Variants in DIS3L2 observed in about 807,000 individuals in gnomAD.
DIS3L2 encodes DIS3-like exonuclease 2.
Under a neutral mutation model 97.5 loss-of-function variants are expected in DIS3L2, and 34 were observed. The observed-to-expected ratio is 0.35, with a 90% CI of 0.27 to 0.46. The LOEUF (loss-of-function observed/expected upper bound fraction) is 0.46, where lower values mean the gene tolerates loss of function less well. Ranked by LOEUF, DIS3L2 falls within the 20% of genes least tolerant of loss-of-function variation. The pLI, the probability that DIS3L2 is intolerant of heterozygous loss-of-function variation, is 1.00. For synonymous variants in DIS3L2, 435 were observed against 445.2 expected (o/e 0.98, Z 0.29); for missense variants, 1,038 against 1,146.0 (o/e 0.91, Z 1.36).
rs540506964 is a variant in DIS3L2 at position 232,337,115 on chromosome 2, G to A, written c.*485G>A. 3 of 1,015,114 alleles carry A rather than the reference G, an allele frequency of 3.0e-6. No homozygotes were observed. Among genetic ancestry groups the A allele is most frequent in the African/African-American group, 1.7e-5 (1 of 57,484 alleles). 62.9% of individuals were successfully genotyped at this position (1,015,114 alleles called of 1,614,324 possible). ...GGAACTTTCCTGTCAGTTCCAACAC[G>A]ATTCAGAGCTGGCTGCCTGGCAGAT... On this transcript the variant is annotated 3_prime_UTR_variant, in exon 21 of 21. Transcript: ENST00000325385.
chr2:231,962,637 A>G (rs1222389871), intron 1 of DIS3L2, among the ~76,000 whole-genome samples: 1 of 151,726 alleles, frequency 6.6e-6, no homozygotes, highest in Non-Finnish European at 1.5e-5. Context: ...GGGTTTCACC[A>G]TGTTAGTCAG....
chr2:232,208,472 G>A lies in DIS3L2; in HGVS notation c.1125-1854G>A, dbSNP rs3116200. On this transcript the variant is annotated intron_variant, in intron 9 of 20. Coordinates refer to ENST00000325385, the MANE Select transcript of DIS3L2 (RefSeq NM_152383.5). ...ACTACAGGCGTGTGCCACCATGCCCGGCTAATTTTTGTATTTTTAGTAGAA... is the reference window on the plus strand; with the variant it reads ...ACTACAGGCGTGTGCCACCATGCCCAGCTAATTTTTGTATTTTTAGTAGAA... Among the ~76,000 whole-genome samples the A allele has an allele frequency of 0.044, 6,683 of 152,102 alleles. 792 individuals are homozygous for A. In the East Asian group the frequency reaches 0.46, roughly 10 times the overall value.
intron 10 of DIS3L2, among the ~76,000 whole-genome samples, chr2:232,210,661 G>C (rs1479648196): frequency 6.6e-6 from 1 of 152,228 alleles, no homozygotes; most frequent in African/African-American, 2.4e-5. Context: ...GGGCAACAGT[G>C]AGTGCTAAAG....
At chr2:232,322,052 A>C (rs1309340237) in intron 14 of DIS3L2, among the ~76,000 whole-genome samples, 4 of 152,184 alleles carry the variant, frequency 2.6e-5, no homozygotes, top group African/African-American at 4.8e-5. Flanking sequence ...CGCCCTTAGC[A>C]GTCAGGGGCA....
At chr2:232,274,833 A>T (rs1694098207) in intron 13 of DIS3L2, among the ~76,000 whole-genome samples, 1 of 152,254 alleles carries the variant, frequency 6.6e-6, no homozygotes, top group Non-Finnish European at 1.5e-5. Context: ...GCATGAAAAC[A>T]AAGACGACAT....
chr2:232,208,451 C>T (rs1490446340), intron 9 of DIS3L2, among the ~76,000 whole-genome samples: 2 of 152,204 alleles, frequency 1.3e-5, no homozygotes, highest in Non-Finnish European at 2.9e-5. Flanking sequence ...GCTGGGACTA[C>T]AGGCGTGTGC....
At chr2:232,335,897 GC>G in intron 20 of DIS3L2, 23 bp downstream of exon 20, 2 of 1,549,838 alleles carry the variant, frequency 1.3e-6, no homozygotes, top group African/African-American at 1.4e-5. Context: ...CTGTGTCCCA[GC>G]CCCCTAAGTC....
chr2:232,043,137 G>C (rs551457928), intron 5 of DIS3L2, among the ~76,000 whole-genome samples: 16 of 152,266 alleles, frequency 1.1e-4, no homozygotes, highest in African/African-American at 3.9e-4. Flanking sequence ...GGAATGATGT[G>C]GTTTGTTTCT....
At chr2:232,329,785 T>TGCCGGGGGGGGCCG in intron 14 of DIS3L2, 28 bp from the exon 15 acceptor site, 1 of 967,144 alleles carries the variant, frequency 1.0e-6, no homozygotes, top group Non-Finnish European at 1.5e-6. Flanking sequence ...ACCCCAGCGG[T>TGCCGGGGGGGGCCG]CCCTCCCATC....
chr2:232,319,035 G>A (rs1695355004), intron 14 of DIS3L2, among the ~76,000 whole-genome samples: 1 of 152,244 alleles, frequency 6.6e-6, no homozygotes. Flanking sequence ...GCCAGTCTTA[G>A]CACTGCTGGC....
At chr2:232,249,853 C>T (rs1295294458) in intron 12 of DIS3L2, among the ~76,000 whole-genome samples, 4 of 152,142 alleles carry the variant, frequency 2.6e-5, no homozygotes, top group Non-Finnish European at 5.9e-5. Flanking sequence ...AGTGGTGCAT[C>T]GTCATGCTGG....
chr2:232,061,733 A>C (rs1483263830), intron 5 of DIS3L2, among the ~76,000 whole-genome samples: 1 of 152,208 alleles, frequency 6.6e-6, no homozygotes, highest in African/African-American at 2.4e-5. Flanking sequence ...GGAACATTTG[A>C]AGTCTTGTTG....
At chr2:232,226,274 A>G (rs1057207888) in intron 10 of DIS3L2, among the ~76,000 whole-genome samples, 1 of 152,236 alleles carries the variant, frequency 6.6e-6, no homozygotes, top group Non-Finnish European at 1.5e-5. Context: ...GCCTTAGGAA[A>G]AGGCTGCACC....
chr2:232,247,503 C>T (rs1464524212), intron 11 of DIS3L2, among the ~76,000 whole-genome samples: 4 of 151,376 alleles, frequency 2.6e-5, no homozygotes, highest in African/African-American at 4.9e-5. Flanking sequence ...AGTCACCAGT[C>T]GTATTTGACC....
rs1213238683 is a variant in DIS3L2, at chr2:232,232,549, G to A, written c.1205-5984G>A. 3.9e-5 allele frequency among the ~76,000 whole-genome samples: 6 copies of A among 152,174 alleles called. No homozygotes were observed. In the South Asian group the frequency reaches 1.2e-3, roughly 32 times the overall value. The stretch of plus-strand genomic sequence containing the variant: ...GATTGATCGACACAGGCCTGAGAAA[G>A]TCCCAGGTTTCTTTTTGGTTTAGGC... On this transcript the variant is annotated intron_variant, in intron 10 of 20. Transcript: ENST00000325385.
intron 1 of DIS3L2, among the ~76,000 whole-genome samples, chr2:231,981,056 G>A (rs1234355231): frequency 2.0e-5 from 3 of 152,010 alleles, no homozygotes; most frequent in African/African-American, 7.3e-5. Context: ...TGATTCTTAT[G>A]TCTCAGCCTC....
chr2:232,000,416 C>T (rs1693843772), intron 1 of DIS3L2, among the ~76,000 whole-genome samples: 1 of 152,060 alleles, frequency 6.6e-6, no homozygotes, highest in Non-Finnish European at 1.5e-5. Context: ...GACATCTCTC[C>T]TCTCCCCTCA....
rs1693750817 is a variant in DIS3L2, at chr2:231,997,047, A to C, written c.-93-17788A>C. Among the ~76,000 whole-genome samples the C allele has an allele frequency of 2.0e-5, 3 of 152,214 alleles. No homozygotes were observed. In the South Asian group the frequency reaches 6.2e-4, roughly 32 times the overall value. On this transcript the variant is annotated intron_variant, in intron 1 of 20. Transcript: ENST00000325385. ...GTGTATTGTCTGTCTCCTCCCCTAG[A>C]TTGTAAGCGCCATGAGAGTAGGGAC...
intron 14 of DIS3L2, among the ~76,000 whole-genome samples, chr2:232,309,925 T>C (rs1255903776): frequency 6.6e-6 from 1 of 152,180 alleles, no homozygotes; most frequent in Non-Finnish European, 1.5e-5. Flanking sequence ...TGAAGTCCTG[T>C]TTAATTAGCT....
Sources: gnomAD v4.1 joint callset for allele counts (sites outside exome capture counted in the v4.1 genomes callset) on GRCh38, gnomAD v4.1.1 for gene constraint, MANE v1.5 for transcripts, NCBI Gene and HGNC (gene_info 2026-07-23, HGNC 2026-07-21) for gene names.